The following ST6GALNAC3 variants were observed in gnomAD, a reference collection of about 807,000 sequenced individuals.
ST6GALNAC3 encodes ST6 N-acetylgalactosaminide alpha-2,6-sialyltransferase 3, also known as alpha-N-acetylgalactosaminide alpha-2,6-sialyltransferase 3.
In ST6GALNAC3, 25 loss-of-function variants were observed where a neutral mutation model predicts 32.7. That is an observed-to-expected ratio of 0.76 (90% confidence interval 0.56 to 1.07). The LOEUF (loss-of-function observed/expected upper bound fraction) is 1.07. Among genes scored for constraint, ST6GALNAC3 ranks in the 50% least tolerant of loss-of-function variants. The pLI, the probability that ST6GALNAC3 is intolerant of heterozygous loss-of-function variation, is 0.00. For synonymous variants in ST6GALNAC3, 129 were observed against 133.1 expected (o/e 0.97, Z 0.21); for missense variants, 355 against 382.4 (o/e 0.93, Z 0.60).
chr1:76,634,659 A>T (rs1649456016), downstream of ST6GALNAC3: 1 of 151,808 alleles, frequency 6.6e-6, no homozygotes, highest in Non-Finnish European at 1.5e-5. Flanking sequence ...TATGTTAATA[A>T]AGCCAGAGGG....
chr1:76,596,254 G>A (rs548729280), intron 3 of ST6GALNAC3, among the ~76,000 whole-genome samples: 12 of 152,172 alleles, frequency 7.9e-5, no homozygotes, highest in East Asian at 5.8e-4. Flanking sequence ...ACGTAGTCAT[G>A]CCTCTTTTAT....
At chr1:76,577,973 C>T (rs1164974332) in intron 3 of ST6GALNAC3, among the ~76,000 whole-genome samples, 1 of 152,012 alleles carries the variant, frequency 6.6e-6, no homozygotes, top group Non-Finnish European at 1.5e-5. Flanking sequence ...TTGCCATTTA[C>T]CCTTAGGCAG....
At chr1:76,457,665 A>G (rs1657933316) in intron 3 of ST6GALNAC3, among the ~76,000 whole-genome samples, 1 of 152,166 alleles carries the variant, frequency 6.6e-6, no homozygotes, top group Non-Finnish European at 1.5e-5. Flanking sequence ...TGGTGCTTGG[A>G]AAACTGGCTA....
chr1:76,436,047 A>G (rs978796067), intron 3 of ST6GALNAC3, among the ~76,000 whole-genome samples: 5 of 151,890 alleles, frequency 3.3e-5, no homozygotes, highest in African/African-American at 4.8e-5. Context: ...GAGTTGCTTC[A>G]CCCTTTTCTA....
chr1:76,123,668 G>A (rs988094155), intron 1 of ST6GALNAC3, among the ~76,000 whole-genome samples: 2 of 151,130 alleles, frequency 1.3e-5, no homozygotes, highest in Non-Finnish European at 2.9e-5. Flanking sequence ...TTCACCTATC[G>A]AATACTGAAT....
intron 1 of ST6GALNAC3, among the ~76,000 whole-genome samples, chr1:76,096,270 T>G (rs2100761957): frequency 6.6e-6 from 1 of 152,332 alleles, no homozygotes; most frequent in Admixed American, 6.5e-5. Flanking sequence ...AAACACAAAC[T>G]TCTGGCTGAA....
At chr1:76,580,503 C>T (rs757104561) in intron 3 of ST6GALNAC3, among the ~76,000 whole-genome samples, 40 of 152,082 alleles carry the variant, frequency 2.6e-4, no homozygotes, top group Non-Finnish European at 4.9e-4. Context: ...CATTAGTTTT[C>T]AACAACCTGT....
chr1:76,485,392 AT>A (rs1660040864), intron 3 of ST6GALNAC3, among the ~76,000 whole-genome samples: 1 of 152,170 alleles, frequency 6.6e-6, no homozygotes, highest in South Asian at 2.1e-4. Flanking sequence ...TATTGCCTCA[AT>A]TTCAGAGCCT....
intron 1 of ST6GALNAC3, among the ~76,000 whole-genome samples, chr1:76,231,234 C>CAGATGGCT (rs1656342868): frequency 6.6e-6 from 1 of 152,190 alleles, no homozygotes; most frequent in Admixed American, 6.5e-5. Flanking sequence ...GCTGAGCTAA[C>CAGATGGCT]AGATGGCTAC....
intron 3 of ST6GALNAC3, among the ~76,000 whole-genome samples, chr1:76,590,144 G>T (rs1334359106): frequency 6.6e-6 from 1 of 152,104 alleles, no homozygotes; most frequent in African/African-American, 2.4e-5. Context: ...CTGTGTTTCT[G>T]CTCCCCATCA....
At chr1:76,326,214 C>T (rs1173412723) in intron 2 of ST6GALNAC3, among the ~76,000 whole-genome samples, 1 of 152,158 alleles carries the variant, frequency 6.6e-6, no homozygotes, top group Admixed American at 6.6e-5. Flanking sequence ...ATATTCTTCT[C>T]ATGGTGGAAA....
intron 1 of ST6GALNAC3, among the ~76,000 whole-genome samples, chr1:76,126,424 TTTCCTTCCTTCC>T (rs770778690): frequency 1.4e-5 from 1 of 73,368 alleles, no homozygotes; most frequent in Non-Finnish European, 2.9e-5. Flanking sequence ...CCCTCCTGCC[TTTCCTTCCTTCC>T]TTCCTTCCTT....
At chr1:76,402,812 C>A (rs115596906) in intron 2 of ST6GALNAC3, among the ~76,000 whole-genome samples, 1 of 152,048 alleles carries the variant, frequency 6.6e-6, no homozygotes, top group East Asian at 1.9e-4. Context: ...TATAAAGTAA[C>A]CTGTTTCTTC....
intron 3 of ST6GALNAC3, among the ~76,000 whole-genome samples, chr1:76,531,183 A>G (rs754323193): frequency 2.6e-5 from 4 of 152,178 alleles, no homozygotes; most frequent in Non-Finnish European, 5.9e-5. Flanking sequence ...AGTGAATGCA[A>G]TGTATGCAGA....
chr1:76,627,586 G>T, intron 4 of ST6GALNAC3, 27 bp downstream of exon 4: 1 of 1,492,700 alleles, frequency 6.7e-7, no homozygotes. Context: ...TTATTTTTAT[G>T]CAGCTCCAAT....
rs557884654 is a variant in ST6GALNAC3, at chr1:76,112,238, G to C, written c.18+37354G>C. Reference sequence around the variant, plus strand: ...TCCCGGACGGGGCGGCTGGCCGGGCGGGGGGCTGACCCCCCCACCTCCTTC... The same window carrying C: ...TCCCGGACGGGGCGGCTGGCCGGGCCGGGGGCTGACCCCCCCACCTCCTTC... On this transcript the variant is annotated intron_variant, in intron 1 of 4. Coordinates refer to ENST00000328299, the MANE Select transcript of ST6GALNAC3 (RefSeq NM_152996.4). Among the ~76,000 whole-genome samples the C allele has an allele frequency of 3.6e-4, 50 of 139,210 alleles. 1 individual carries two copies. The South Asian group carries it at 0.011, about 31-fold the overall frequency. 91.3% of individuals were successfully genotyped at this position (139,210 alleles called of 152,430 possible).
Position 76,629,733 on chromosome 1 carries a change from GAAAT to G in ST6GALNAC3, c.*929_*932del. ...AAAACTATATGATTTTTAAAATCATGAAATAGAGACAGCAAAGCATATTTTTACA... is the reference window on the plus strand; with the variant it reads ...AAAACTATATGATTTTTAAAATCATGAGAGACAGCAAAGCATATTTTTACA... On this transcript the variant is annotated 3_prime_UTR_variant, in exon 5 of 5. Coordinates refer to ENST00000328299, the MANE Select transcript of ST6GALNAC3 (RefSeq NM_152996.4). 1.0e-6 allele frequency: 1 copy of G among 981,952 alleles called. No homozygotes were observed. The highest frequency in any genetic ancestry group is 1.2e-6 in the Non-Finnish European group (1 of 826,482). The allele number at this position is 981,952 out of a possible 1,614,324, so 60.8% of individuals were successfully genotyped here.
chr1:76,505,833 T>C (rs879909891), intron 3 of ST6GALNAC3, among the ~76,000 whole-genome samples: 1 of 151,932 alleles, frequency 6.6e-6, no homozygotes, highest in Non-Finnish European at 1.5e-5. Flanking sequence ...AATAGATGCA[T>C]GGGGCAACGT....
chr1:76,217,855 T>C (rs1156959153), intron 1 of ST6GALNAC3, among the ~76,000 whole-genome samples: 5 of 152,234 alleles, frequency 3.3e-5, no homozygotes, highest in African/African-American at 1.2e-4. Context: ...TGTTATTCCT[T>C]TTTATGGCTG....
Sources: allele counts gnomAD v4.1 joint callset (sites outside exome capture counted in the v4.1 genomes callset), GRCh38; gene constraint gnomAD v4.1.1; transcripts MANE v1.5; gene names NCBI Gene and HGNC (gene_info 2026-07-23, HGNC 2026-07-21).